MTRF1: variants seen among roughly 807,000 people sequenced by gnomAD.
The protein encoded by MTRF1 is peptide chain release factor 1, mitochondrial.
In MTRF1, 51 loss-of-function variants were observed where a neutral mutation model predicts 62.9. The observed-to-expected ratio is 0.81, with a 90% CI of 0.65 to 1.02. The LOEUF is 1.02. Ranked by LOEUF, MTRF1 falls within the 50% of genes least tolerant of loss-of-function variation. MTRF1 has a pLI of 0.00. For missense variants in MTRF1, 446 were observed against 530.0 expected (o/e 0.84, Z 1.56); for synonymous variants, 158 against 181.9 (o/e 0.87, Z 1.06).
intron 9 of MTRF1, among the ~76,000 whole-genome samples, chr13:41,218,870 T>C (rs577002646): frequency 6.6e-6 from 1 of 152,268 alleles, no homozygotes; most frequent in Admixed American, 6.5e-5. Flanking sequence ...ATTTCTGTAT[T>C]CCCCAAAGTA....
In MTRF1 at chr13:41,259,712, A is replaced by AAAAAACAAAAACAAAAAAAAAAC. The variant is rs57661393; in HGVS notation, c.415+780_415+781insGTTTTTTTTTTGTTTTTGTTTTT. ...GCGAGACTCCGTCTCAAAAAAAAAA[A>AAAAAACAAAAACAAAAAAAAAAC]AAAAAAAAACATAAAAATAAAAAAT... On this transcript the variant is annotated intron_variant, in intron 2 of 9. Coordinates refer to ENST00000379480, the MANE Select transcript of MTRF1 (RefSeq NM_004294.4). 1.2e-3 allele frequency among the ~76,000 whole-genome samples: 160 copies of AAAAAACAAAAACAAAAAAAAAAC among 136,758 alleles called. 2 individuals carry two copies. Among genetic ancestry groups the AAAAAACAAAAACAAAAAAAAAAC allele is most frequent in the Non-Finnish European group, 2.0e-3 (125 of 63,912 alleles). 89.7% of individuals were successfully genotyped at this position (136,758 alleles called of 152,430 possible). A position where few individuals can be genotyped will look rare whatever the true frequency, so the allele number is the denominator to read the frequency against.
chr13:41,252,892 T>G (rs1255906518), intron 4 of MTRF1, 57 bp downstream of exon 4: 4 of 1,410,958 alleles, frequency 2.8e-6, no homozygotes, highest in Admixed American at 1.9e-5. Context: ...TGTTATCAAA[T>G]AAGGTAAAAT....
intron 2 of MTRF1, among the ~76,000 whole-genome samples, chr13:41,259,240 C>T (rs1056743067): frequency 1.3e-5 from 2 of 152,176 alleles, no homozygotes; most frequent in Non-Finnish European, 2.9e-5. Context: ...AGAGTTACCA[C>T]ATGAACCAGC....
chr13:41,234,041 C>T lies in MTRF1; in HGVS notation c.871-34G>A, dbSNP rs776373486. 2.4e-5 allele frequency: 34 copies of T among 1,426,644 alleles called. No homozygotes were observed. The East Asian group carries it at 6.4e-4, about 27-fold the overall frequency. 88.4% of individuals were successfully genotyped at this position (1,426,644 alleles called of 1,614,324 possible). On this transcript the variant is annotated intron_variant, in intron 6 of 9. Coordinates refer to ENST00000379480, the MANE Select transcript of MTRF1 (RefSeq NM_004294.4). ...GAAGGCATGGCATAATTCTACACTCCGTGAATACTTTAATATAAAATCGAT... is the reference window on the plus strand; with the variant it reads ...GAAGGCATGGCATAATTCTACACTCTGTGAATACTTTAATATAAAATCGAT...
the MTRF1 span, among the ~76,000 whole-genome samples, chr13:41,274,581 T>C: frequency 6.6e-6 from 1 of 152,030 alleles, no homozygotes; most frequent in East Asian, 1.9e-4. Context: ...CTGTTTGCCC[T>C]AGAATACTTG....
chr13:41,238,770 A>G (rs1176940289), intron 6 of MTRF1, among the ~76,000 whole-genome samples: 1 of 152,210 alleles, frequency 6.6e-6, no homozygotes, highest in Non-Finnish European at 1.5e-5. Flanking sequence ...AAGGTACACT[A>G]AAAGTGAGAC....
the MTRF1 span, chr13:41,288,012 T>A: frequency 8.1e-6 from 3 of 370,652 alleles, no homozygotes; most frequent in Admixed American, 1.0e-4. Flanking sequence ...GGGAAAATGG[T>A]GCTGCATTTC....
the MTRF1 span, among the ~76,000 whole-genome samples, chr13:41,310,369 C>T: frequency 6.6e-6 from 1 of 152,104 alleles, no homozygotes; most frequent in African/African-American, 2.4e-5. Context: ...AGACCAGTGG[C>T]CTTATAAAAC....
upstream of MTRF1, among the ~76,000 whole-genome samples, chr13:41,265,407 G>T (rs2040815345): frequency 6.6e-6 from 1 of 150,732 alleles, no homozygotes; most frequent in African/African-American, 2.4e-5. Context: ...GGCAACAAGA[G>T]TGAAACTCCG....
At chr13:41,305,758 T>A in the MTRF1 span, among the ~76,000 whole-genome samples, 3 of 152,200 alleles carry the variant, frequency 2.0e-5, no homozygotes, top group Non-Finnish European at 4.4e-5. Context: ...TCTGTTCAAT[T>A]GTCATTATCA....
the MTRF1 span, among the ~76,000 whole-genome samples, chr13:41,306,301 G>C: frequency 6.6e-6 from 1 of 151,802 alleles, no homozygotes; most frequent in Non-Finnish European, 1.5e-5. Context: ...GGAGAACGGC[G>C]TGAACCCGGG....
chr13:41,243,179 A>C (rs2037762643), intron 5 of MTRF1, among the ~76,000 whole-genome samples: 2 of 152,138 alleles, frequency 1.3e-5, no homozygotes. Context: ...AGATCGTGCC[A>C]CTGCACTCCA....
intron 5 of MTRF1, among the ~76,000 whole-genome samples, chr13:41,247,546 C>T (rs574504071): frequency 6.6e-6 from 1 of 152,322 alleles, no homozygotes; most frequent in South Asian, 2.1e-4. Flanking sequence ...GTCTTCTGTA[C>T]AGGCGAAATA....
chr13:41,275,452 G>A, the MTRF1 span, among the ~76,000 whole-genome samples: 29 of 149,632 alleles, frequency 1.9e-4, 1 homozygote, highest in East Asian at 4.6e-3. Flanking sequence ...TGCCCGCCTC[G>A]GCCTCCCAAA....
chr13:41,295,458 C>A, the MTRF1 span, among the ~76,000 whole-genome samples: 2 of 152,136 alleles, frequency 1.3e-5, no homozygotes, highest in Non-Finnish European at 2.9e-5. Flanking sequence ...AATTCAAGTA[C>A]CTTTTTCATC....
At chr13:41,304,037 T>C in the MTRF1 span, among the ~76,000 whole-genome samples, 5 of 152,188 alleles carry the variant, frequency 3.3e-5, no homozygotes, top group African/African-American at 9.7e-5. Context: ...TTAATAAATT[T>C]GCTTTTGCTT....
chr13:41,290,185 C>T, the MTRF1 span, among the ~76,000 whole-genome samples: 1 of 141,922 alleles, frequency 7.0e-6, no homozygotes, highest in Non-Finnish European at 1.5e-5. Flanking sequence ...CAACCTCCGC[C>T]TCCCGGGTTT....
chr13:41,281,101 CA>C, the MTRF1 span, among the ~76,000 whole-genome samples: 2 of 152,214 alleles, frequency 1.3e-5, no homozygotes, highest in Admixed American at 6.5e-5. Context: ...CAGGAGAATC[CA>C]GTGTGGATAC....
chr13:41,249,778 T>C (rs61963103), intron 5 of MTRF1, among the ~76,000 whole-genome samples: 28,192 of 151,288 alleles, frequency 0.19, 3,015 homozygotes, highest in Middle Eastern at 0.3. Flanking sequence ...AAGTACGCAC[T>C]GCCACGCCTG....
Sources: allele counts gnomAD v4.1 joint callset (sites outside exome capture counted in the v4.1 genomes callset), GRCh38; gene constraint gnomAD v4.1.1; transcripts MANE v1.5; gene names NCBI Gene and HGNC (gene_info 2026-07-23, HGNC 2026-07-21).